CD177: variants seen among roughly 807,000 people sequenced by gnomAD.
CD177 encodes CD177 antigen.
In CD177, 41 loss-of-function variants were observed where a neutral mutation model predicts 38.1. The ratio of observed to expected loss-of-function variants is 1.07; its 90% CI spans 0.84 to 1.39. The LOEUF is 1.39. CD177 is among the 40% of genes most tolerant of loss of function. The pLI, the probability that CD177 is intolerant of heterozygous loss-of-function variation, is 0.00. For missense variants in CD177, 619 were observed against 523.8 expected, an observed-to-expected ratio of 1.18 and a Z score of -1.77; for synonymous variants, 236 against 216.7, an observed-to-expected ratio of 1.09 and a Z score of -0.78.
At chr19:43,361,942 G>C (rs1969974942) in intron 8 of CD177, 146 bp from the exon 9 acceptor site, 1 of 660,190 alleles carries the variant, frequency 1.5e-6, no homozygotes, top group Admixed American at 2.9e-5. Context: ...AGGGGCTGGG[G>C]GCCTGGACCC....
At chr19:43,363,864 G>T (rs909870041), downstream of CD177, among the ~76,000 whole-genome samples, 5 of 152,134 alleles carry the variant, frequency 3.3e-5, no homozygotes, top group African/African-American at 1.2e-4. Flanking sequence ...GAGGTGGGAG[G>T]ATCACTTGAG....
rs144809107 is a variant in CD177 at position 43,355,692 on chromosome 19, G to C, written c.411G>C (p.Leu137Phe). The change falls in exon 4 of 9, where the codon TTG (leucine) becomes TTC (phenylalanine). Residue 137 changes from leucine (L) to phenylalanine (F), a missense_variant. Physicochemically the swap from Leu to Phe is conservative, Grantham distance 22 (BLOSUM62 0). Coordinates refer to ENST00000618265, the MANE Select transcript of CD177 (RefSeq NM_020406.4). ...GATCCTTGAGGTGCCCAGTCTGCTT[G>C]TCTATGGAAGGCTGTCTGGAGGGGA... The part of the protein sequence containing the change: ...DPGSLRCPVC[L>F]SMEGCLEGTT... The C allele has an allele frequency of 3.7e-4, 591 of 1,613,008 alleles. 7 individuals carry two copies. The African/African-American group carries it at 7.1e-3, about 19-fold the overall frequency.
chr19:43,363,980 G>T (rs1970008695), downstream of CD177, among the ~76,000 whole-genome samples: 1 of 152,106 alleles, frequency 6.6e-6, no homozygotes, highest in South Asian at 2.1e-4. Context: ...CCCTCTACTG[G>T]TCCCAGCTAC....
intron 6 of CD177, 32 bp downstream of exon 6, chr19:43,360,437 G>T (rs1303682352): frequency 1.3e-6 from 2 of 1,555,802 alleles, no homozygotes; most frequent in Non-Finnish European, 1.7e-6. Context: ...ACGAACACCT[G>T]TCCCAAGTCC....
rs754647671 is a variant in CD177, at chr19:43,355,483, T to G, written c.380-178T>G. 2.6e-5 allele frequency: 18 copies of G among 700,936 alleles called. 1 individual carries two copies. The highest frequency in any genetic ancestry group is 2.5e-4 in the African/African-American group (14 of 56,500). The allele number at this position is 700,936 out of a possible 1,614,324, so 43.4% of individuals were successfully genotyped here. On this transcript the variant is annotated intron_variant, in intron 3 of 8. Transcript: ENST00000618265. ...CTGTTCATTCTCCCTTCCTCTTTTATGGATTACACTTCTTTATTTTCCCAC... is the reference window on the plus strand; with the variant it reads ...CTGTTCATTCTCCCTTCCTCTTTTAGGGATTACACTTCTTTATTTTCCCAC...
intron 8 of CD177, among the ~76,000 whole-genome samples, chr19:43,361,887 G>C (rs1465684823): frequency 7.3e-6 from 1 of 137,232 alleles, no homozygotes; most frequent in South Asian, 2.4e-4. Context: ...TCCTGGGTCT[G>C]AGGTAGGAGG....
Position 43,362,310 on chromosome 19 carries a change from C to T in CD177, c.1304C>T (p.Pro435Leu), listed in dbSNP as rs1969983862. The change falls in exon 9 of 9, where the codon CCT becomes CTT. Residue 435 changes from proline (P) to leucine (L), a missense_variant. By Grantham distance (98) the Pro-to-Leu change is moderately conservative. Coordinates refer to ENST00000618265, the MANE Select transcript of CD177 (RefSeq NM_020406.4). ...GCGCTGTGGTGGGGAGTGGTTTGCC[C>T]TTCCTGCTAACTCTATTACCCCCAC... ...APALWWGVVC[P>L]SC The T allele has an allele frequency of 2.6e-6, 4 of 1,511,792 alleles. No homozygotes were observed. The highest frequency in any genetic ancestry group is 3.6e-6 in the Non-Finnish European group (4 of 1,096,974). The allele number at this position is 1,511,792 out of a possible 1,614,324, so 93.6% of individuals were successfully genotyped here.
chr19:43,362,550 A>G lies in CD177; in HGVS notation c.*230A>G. 1 of 446,288 alleles carries G rather than the reference A, an allele frequency of 2.2e-6. No individual in the cohort carries two copies. Among genetic ancestry groups the G allele is most frequent in the Admixed American group, 3.8e-5 (1 of 26,150 alleles). 27.6% of individuals were successfully genotyped at this position (446,288 alleles called of 1,614,324 possible). On this transcript the variant is annotated 3_prime_UTR_variant, in exon 9 of 9. Coordinates refer to ENST00000618265, the MANE Select transcript of CD177 (RefSeq NM_020406.4). ...GGACGCTGGAGGAGTGGCTGCATGT[A>G]TCTGATAATACAGACCCTGTCCTTT...
At chr19:43,354,664 A>G (rs1969897895) in intron 3 of CD177, 1 of 592,174 alleles carries the variant, frequency 1.7e-6, no homozygotes, top group African/African-American at 1.9e-5. Context: ...TCTGATATGA[A>G]ATCACCATTA....
Position 43,354,289 on chromosome 19 carries a change from C to T in CD177, c.276C>T (p.Gly92=), listed in dbSNP as rs1237536474. 4 of 1,613,932 alleles carry T rather than the reference C, an allele frequency of 2.5e-6. No individual in the cohort carries two copies. Among genetic ancestry groups the T allele is most frequent in the Admixed American group, 1.7e-5 (1 of 60,026 alleles). Residue 92 remains glycine, a synonymous_variant, in exon 3 of 9, where the codon GGC becomes GGT. Transcript: ENST00000618265. Reference sequence around the variant, plus strand: ...CCCGCGTCACTGAGCACCGGATGGGCCCCGGCCTCTCCCTGATCTCCTACA... The same window carrying T: ...CCCGCGTCACTGAGCACCGGATGGGTCCCGGCCTCTCCCTGATCTCCTACA... The part of the protein sequence containing the change: ...QEPRVTEHRM[G]PGLSLISYTF...
chr19:43,355,525 G>A lies in CD177; in HGVS notation c.380-136G>A, dbSNP rs775716947. 6.5e-6 allele frequency: 6 copies of A among 928,254 alleles called. No individual in the cohort carries two copies. In the South Asian group the frequency reaches 6.6e-5, roughly 10 times the overall value. The allele number at this position is 928,254 out of a possible 1,614,324, so 57.5% of individuals were successfully genotyped here. On this transcript the variant is annotated intron_variant, in intron 3 of 8. Transcript: ENST00000618265. Reference sequence around the variant, plus strand: ...TTTTCCCACATCCAGATCCCATGATGGGAGCTGCAGAAGGCCCCTTTGGGA... The same window carrying A: ...TTTTCCCACATCCAGATCCCATGATAGGAGCTGCAGAAGGCCCCTTTGGGA...
rs569190990 is a variant in CD177, at chr19:43,362,359, C to G, written c.*39C>G. The G allele has an allele frequency of 1.1e-6, 1 of 883,936 alleles. No individual in the cohort carries two copies. The highest frequency in any genetic ancestry group is 1.7e-5 in the African/African-American group (1 of 60,590). The allele number at this position is 883,936 out of a possible 1,614,324, so 54.8% of individuals were successfully genotyped here. A position where few individuals can be genotyped will look rare whatever the true frequency, so the allele number is the denominator to read the frequency against. On this transcript the variant is annotated 3_prime_UTR_variant, in exon 9 of 9. Transcript: ENST00000618265. ...ACGATTCTTCACCGCTGCTGACCAC[C>G]CACACTCAACCTCCCTCTGACCTCA...
chr19:43,360,524 A>ATCCGACT, intron 6 of CD177, 119 bp downstream of exon 6: 1 of 1,009,224 alleles, frequency 9.9e-7, no homozygotes, highest in Admixed American at 2.5e-5. Context: ...GCAATTTTCA[A>ATCCGACT]TCCGACTCTT....
Position 43,361,589 on chromosome 19 carries a change from G to A in CD177, c.1081+10G>A, listed in dbSNP as rs766443219. 3 of 1,554,486 alleles carry A rather than the reference G, an allele frequency of 1.9e-6. No homozygotes were observed. Among genetic ancestry groups the A allele is most frequent in the South Asian group, 2.4e-5 (2 of 84,400 alleles). ...ATTCATCTCTCAGGAGGTGAGTGCTGCAAGCAGGGCCCCAAGGATGAAGGC... is the reference window on the plus strand; with the variant it reads ...ATTCATCTCTCAGGAGGTGAGTGCTACAAGCAGGGCCCCAAGGATGAAGGC... On this transcript the variant is annotated intron_variant, in intron 8 of 8. Coordinates refer to ENST00000618265, the MANE Select transcript of CD177 (RefSeq NM_020406.4).
intron 5 of CD177, among the ~76,000 whole-genome samples, chr19:43,359,836 C>A (rs562783373): frequency 8.2e-6 from 1 of 122,426 alleles, no homozygotes; most frequent in Admixed American, 8.8e-5. Context: ...CAGTGCTCAG[C>A]GGCAGTGCTC....
In CD177 at chr19:43,355,597, G is replaced by C. The variant is rs747199121; in HGVS notation, c.380-64G>C. The C allele has an allele frequency of 2.5e-6, 4 of 1,603,410 alleles. No individual in the cohort carries two copies. In the African/African-American group the frequency reaches 5.4e-5, roughly 21 times the overall value. On this transcript the variant is annotated intron_variant, in intron 3 of 8. Coordinates refer to ENST00000618265, the MANE Select transcript of CD177 (RefSeq NM_020406.4). The stretch of plus-strand genomic sequence containing the variant: ...GAGGCCAGCAAAAGTGGGGTGCAGA[G>C]AAGGTATCTGATCAAATCCAGTGCC...
In CD177 at chr19:43,362,172, T is replaced by A; in HGVS notation, c.1166T>A (p.Ile389Asn). The A allele has an allele frequency of 6.2e-6, 10 of 1,613,566 alleles. No homozygotes were observed. Among genetic ancestry groups the A allele is most frequent in the Non-Finnish European group, 8.5e-6 (10 of 1,179,710 alleles). ...TTGAACCACACCAGACAAATCGGGA[T>A]CTTCTCTGCGCGTGAGAAGCGTGAT... Reference protein sequence around the residue: ...FLLNHTRQIGIFSAREKRDVQ... With the variant: ...FLLNHTRQIGNFSAREKRDVQ... The change falls in exon 9 of 9, where the codon ATC becomes AAC. Residue 389 changes from isoleucine to asparagine, a missense_variant. Coordinates refer to ENST00000618265, the MANE Select transcript of CD177 (RefSeq NM_020406.4).
At position 43,361,184 on chromosome 19, in the gene CD177, G is replaced by C; in HGVS notation, c.802G>C (p.Val268Leu). The change falls in exon 7 of 9, where the codon GTT (valine) becomes CTT (leucine). Residue 268 changes from valine to leucine, a missense_variant. Val to Leu is a conservative substitution (Grantham distance 32). Transcript: ENST00000618265. The part of the protein sequence containing the change: ...TLVGTKGCST[V>L]GAQNSQKTTI... ...GGTGGGGACAAAAGGCTGCAGCACT[G>C]TTGGGGCTCAAAATTCCCAGAAGAC... 6.5e-7 allele frequency: 1 copy of C among 1,549,780 alleles called. No individual in the cohort carries two copies. The highest frequency in any genetic ancestry group is 8.9e-7 in the Non-Finnish European group (1 of 1,124,176).
downstream of CD177, among the ~76,000 whole-genome samples, chr19:43,363,815 C>T (rs1430717554): frequency 4.6e-5 from 7 of 152,156 alleles, no homozygotes; most frequent in African/African-American, 7.2e-5. Flanking sequence ...AGGACGGGCT[C>T]GGTGGCTCAC....
Sources: allele counts gnomAD v4.1 joint callset (sites outside exome capture counted in the v4.1 genomes callset), GRCh38; gene constraint gnomAD v4.1.1; transcripts MANE v1.5; gene names NCBI Gene and HGNC (gene_info 2026-07-23, HGNC 2026-07-21).